SUN2: variants seen among roughly 807,000 people sequenced by gnomAD.
SUN2 encodes the protein SUN domain-containing protein 2.
A neutral mutation model predicts 100.0 loss-of-function variants in SUN2; 60 were observed. That is an observed-to-expected ratio of 0.60 (90% CI 0.49 to 0.74). The LOEUF is 0.74. SUN2 is among the 30% of genes least tolerant of loss of function. The pLI, the probability that SUN2 is intolerant of heterozygous loss-of-function variation, is 0.00. For missense variants in SUN2, 834 were observed against 954.6 expected (o/e 0.87, Z 1.66); for synonymous variants, 367 against 403.3 (o/e 0.91, Z 1.08).
chr22:38,748,500 G>A (rs536900789), intron 7 of SUN2, among the ~76,000 whole-genome samples: 2 of 152,276 alleles, frequency 1.3e-5, no homozygotes, highest in African/African-American at 2.4e-5. Context: ...CCAATGTTGC[G>A]GCACTAGGGT....
intron 8 of SUN2, among the ~76,000 whole-genome samples, chr22:38,745,296 G>C (rs1361550157): frequency 6.6e-6 from 1 of 152,034 alleles, no homozygotes. Flanking sequence ...AGGCAAGTAC[G>C]AGCCCAGCCA....
At chr22:38,741,348 G>C in intron 10 of SUN2, 146 bp downstream of exon 10, 1 of 838,558 alleles carries the variant, frequency 1.2e-6, no homozygotes, top group Admixed American at 2.2e-5. Flanking sequence ...AGGGGTCGGG[G>C]GTCAAACAGA....
At position 38,740,747 on chromosome 22, in the gene SUN2, A is replaced by C. The variant is rs1603218484; in HGVS notation, c.1190+260T>G. On this transcript the variant is annotated intron_variant, in intron 11 of 17. Coordinates refer to ENST00000689035, the MANE Select transcript of SUN2 (RefSeq NM_015374.3). This position sits in a 1 kb window ranked among gnomAD's most constrained non-coding sequence, Gnocchi z 4.8. ...AGGCAGTTATGTGAGGCTGTAAGAA[A>C]GGATGCTGTGTCTATAAATGAATCC... is the stretch of plus-strand genomic sequence containing the variant. 2 of 590,342 alleles carry C rather than the reference A, an allele frequency of 3.4e-6. No homozygotes were observed. The highest frequency in any genetic ancestry group is 6.0e-6 in the Non-Finnish European group (2 of 331,406). The allele number at this position is 590,342 out of a possible 1,614,324, so 36.6% of individuals were successfully genotyped here.
intron 4 of SUN2, 136 bp downstream of exon 4, chr22:38,750,762 C>T: frequency 7.1e-7 from 1 of 1,405,782 alleles, no homozygotes; most frequent in Non-Finnish European, 9.6e-7. Flanking sequence ...TGGGGCGCAC[C>T]CAGGGCCGGG....
At position 38,755,791 on chromosome 22, in the gene SUN2, C is replaced by A. The variant is rs1323707477; in HGVS notation, c.-66G>T. The stretch of plus-strand genomic sequence containing the variant: ...CTGCCGCGGCGGCTTCTAGCCCGGC[C>A]GGGGGCGTCCGAGGCCAGGCCGCCG... On this transcript the variant is annotated 5_prime_UTR_variant, in exon 1 of 18. Coordinates refer to ENST00000689035, the MANE Select transcript of SUN2 (RefSeq NM_015374.3). The surrounding 1 kb of genome is among the most constrained non-coding windows in gnomAD (Gnocchi z 5.7). 1 of 984,228 alleles carries A rather than the reference C, an allele frequency of 1.0e-6. No homozygotes were observed. The highest frequency in any genetic ancestry group is 1.1e-4 in the East Asian group (1 of 8,794). The allele number at this position is 984,228 out of a possible 1,614,324, so 61.0% of individuals were successfully genotyped here. A position where few individuals can be genotyped will look rare whatever the true frequency, so the allele number is the denominator to read the frequency against.
At chr22:38,748,576 C>A in intron 7 of SUN2, 137 bp downstream of exon 7, 1 of 966,302 alleles carries the variant, frequency 1.0e-6, no homozygotes, top group Non-Finnish European at 1.6e-6. Flanking sequence ...CAGAGATGAT[C>A]CAGGGTCCAG....
intron 1 of SUN2, chr22:38,754,572 T>G: frequency 9.1e-7 from 1 of 1,099,196 alleles, no homozygotes; most frequent in Non-Finnish European, 1.2e-6. Context: ...GCCTGGGTCC[T>G]TGTCTCTATT....
In SUN2 at chr22:38,740,917, T is replaced by C. The variant is rs993462349; in HGVS notation, c.1190+90A>G. 1 of 1,370,448 alleles carries C rather than the reference T, an allele frequency of 7.3e-7. No individual in the cohort carries two copies. Among genetic ancestry groups the C allele is most frequent in the South Asian group, 1.2e-5 (1 of 80,472 alleles). 84.9% of individuals were successfully genotyped at this position (1,370,448 alleles called of 1,614,324 possible). On this transcript the variant is annotated intron_variant, in intron 11 of 17. Transcript: ENST00000689035. This position sits in a 1 kb window ranked among gnomAD's most constrained non-coding sequence, Gnocchi z 4.8. ...CTGCTTGGCAAGATGATCAGAACTC[T>C]CTGCTCTGCGGCTCTGCTCCCCAGT...
Position 38,752,609 on chromosome 22 carries a change from C to A in SUN2, c.20G>T (p.Arg7Leu). The change falls in exon 2 of 18, where the codon CGC becomes CTC. Residue 7 changes from arginine (R) to leucine (L), a missense_variant. By Grantham distance (102) the Arg-to-Leu change is moderately radical. Coordinates refer to ENST00000689035, the MANE Select transcript of SUN2 (RefSeq NM_015374.3). ...GTCACCCTGGGAGTAGCGCGTGAGG[C>A]GCTGGCTTCTTCGGGACATGATGAG... MSRRSQRLTRYSQGDDD... is the reference protein window; with the variant it reads MSRRSQLLTRYSQGDDD... 6.2e-7 allele frequency: 1 copy of A among 1,613,914 alleles called. No individual in the cohort carries two copies.
chr22:38,738,566 C>T lies in SUN2; in HGVS notation c.1947+21G>A, dbSNP rs1222732031. 1.2e-6 allele frequency: 2 copies of T among 1,604,938 alleles called. No homozygotes were observed. The highest frequency in any genetic ancestry group is 2.2e-5 in the South Asian group (2 of 90,816). On this transcript the variant is annotated intron_variant, in intron 16 of 17. Transcript: ENST00000689035. This position sits in a 1 kb window ranked among gnomAD's most constrained non-coding sequence, Gnocchi z 6.6. ...GATCCCCCTGCAGCCCCTCTGGCCCCACCACAGGACAGATACTCACAAAGA... is the reference window on the plus strand; with the variant it reads ...GATCCCCCTGCAGCCCCTCTGGCCCTACCACAGGACAGATACTCACAAAGA...
chr22:38,741,555 A>G lies in SUN2; in HGVS notation c.1085T>C (p.Leu362Pro). 1 of 1,614,076 alleles carries G rather than the reference A, an allele frequency of 6.2e-7. No individual in the cohort carries two copies. The highest frequency in any genetic ancestry group is 8.5e-7 in the Non-Finnish European group (1 of 1,180,028). ...AARIQEELSA[L>P]RAEHQQDSED... is the part of the protein sequence containing the mutation. ...TGAGTCTTGCTGATGCTCTGCTCTC[A>G]GGGCAGACAGTTCTTCCTGTGAGAC... is the stretch of plus-strand genomic sequence containing the variant. Residue 362 changes from leucine to proline, a missense_variant, in exon 10 of 18, where the codon CTG becomes CCG. Transcript: ENST00000689035.
At chr22:38,745,042 T>C (rs2092891571) in intron 8 of SUN2, 1 of 471,156 alleles carries the variant, frequency 2.1e-6, no homozygotes, top group Non-Finnish European at 4.4e-6. Context: ...GATTTGGCTC[T>C]GAGATTTGCG....
Position 38,755,678 on chromosome 22 carries a change from G to C in SUN2, c.-38+85C>G, listed in dbSNP as rs1219565444. The stretch of plus-strand genomic sequence containing the variant: ...GAGGAGGAAGCAGGCCTGGCGGCGC[G>C]GCCCCGCCCGAGTGGCCCGACGGTG... On this transcript the variant is annotated intron_variant, in intron 1 of 17. Coordinates refer to ENST00000689035, the MANE Select transcript of SUN2 (RefSeq NM_015374.3). The surrounding 1 kb of genome is among the most constrained non-coding windows in gnomAD (Gnocchi z 5.7). 1.5e-5 allele frequency: 15 copies of C among 979,890 alleles called. No homozygotes were observed. The highest frequency in any genetic ancestry group is 1.7e-5 in the African/African-American group (1 of 57,228). The allele number at this position is 979,890 out of a possible 1,614,324, so 60.7% of individuals were successfully genotyped here. A position where few individuals can be genotyped will look rare whatever the true frequency, so the allele number is the denominator to read the frequency against.
chr22:38,748,777 G>A lies in SUN2; in HGVS notation c.621C>T (p.Phe207=), dbSNP rs2092922806. 6.2e-7 allele frequency: 1 copy of A among 1,614,104 alleles called. No homozygotes were observed. The highest frequency in any genetic ancestry group is 1.3e-5 in the African/African-American group (1 of 74,942). ...LLDVFVLTRR[F]SSLKTFLWFL... The stretch of plus-strand genomic sequence containing the variant: ...ACCAGAGGAACGTCTTCAGGGACGA[G>A]AAGCGCCTGGACCACGCGGGAGGGC... The change falls in exon 7 of 18, where the codon TTC becomes TTT. Residue 207 remains phenylalanine, a synonymous_variant. Coordinates refer to ENST00000689035, the MANE Select transcript of SUN2 (RefSeq NM_015374.3).
At chr22:38,754,554 G>A (rs942535663) in intron 1 of SUN2, 2 of 1,064,792 alleles carry the variant, frequency 1.9e-6, no homozygotes, top group Non-Finnish European at 2.5e-6. Context: ...AGGAAAAGCA[G>A]GAAGTTGGCC....
rs149995796 is a variant in SUN2, at chr22:38,752,603, G to A, written c.26C>T (p.Thr9Met). Reference sequence around the variant, plus strand: ...GTCATCGTCACCCTGGGAGTAGCGCGTGAGGCGCTGGCTTCTTCGGGACAT... The same window carrying A: ...GTCATCGTCACCCTGGGAGTAGCGCATGAGGCGCTGGCTTCTTCGGGACAT... MSRRSQRL[T>M]RYSQGDDDGS... Residue 9 changes from threonine (T) to methionine (M), a missense_variant, in exon 2 of 18, where the codon ACG (threonine) becomes ATG (methionine). Thr to Met is a moderately conservative substitution (Grantham distance 81). Around this residue, in one of 3 missense-constraint regions of SUN2, gnomAD observed 559 missense variants for 597.7 expected, o/e 0.94. Coordinates refer to ENST00000689035, the MANE Select transcript of SUN2 (RefSeq NM_015374.3). The A allele has an allele frequency of 6.1e-5, 99 of 1,613,962 alleles. 1 individual carries two copies. Among genetic ancestry groups the A allele is most frequent in the Admixed American group, 3.3e-4 (20 of 60,014 alleles).
At chr22:38,736,605 C>T (rs371147099) in intron 17 of SUN2, 5 of 386,674 alleles carry the variant, frequency 1.3e-5, no homozygotes, top group Admixed American at 8.6e-5. Flanking sequence ...CATCTGAAAC[C>T]GGAATGAATT....
In SUN2 at chr22:38,739,546, C is replaced by G. The variant is rs78853873; in HGVS notation, c.1579-120G>C. On this transcript the variant is annotated intron_variant, in intron 13 of 17. Coordinates refer to ENST00000689035, the MANE Select transcript of SUN2 (RefSeq NM_015374.3). This position sits in a 1 kb window ranked among gnomAD's most constrained non-coding sequence, Gnocchi z 6.7. Reference sequence around the variant, plus strand: ...CTTCTAGGCTTGCACTGTGCTGGTGCCCAGGCAGATGTGGGCACACTGCCA... The same window carrying G: ...CTTCTAGGCTTGCACTGTGCTGGTGGCCAGGCAGATGTGGGCACACTGCCA... 3.1e-3 allele frequency: 4,247 copies of G among 1,350,130 alleles called. 118 individuals carry two copies. In the African/African-American group the frequency reaches 0.056, roughly 18 times the overall value. 83.6% of individuals were successfully genotyped at this position (1,350,130 alleles called of 1,614,324 possible).
chr22:38,749,767 T>G lies in SUN2; in HGVS notation c.613A>C (p.Arg205=), dbSNP rs1249728930. ...ASLLDVFVLT[R]RFSSLKTFLW... is the part of the protein sequence containing the mutation. ...TGGCAAGGGTGGAGTCTCGCTCACCTGGTTAAAACGAAGACGTCAAGGAGG... is the reference window on the plus strand; with the variant it reads ...TGGCAAGGGTGGAGTCTCGCTCACCGGGTTAAAACGAAGACGTCAAGGAGG... Residue 205 remains arginine (R), a splice_region_variant and synonymous_variant, in exon 6 of 18, where the codon AGG becomes CGG. Transcript: ENST00000689035. The G allele has an allele frequency of 5.0e-6, 8 of 1,613,996 alleles. 1 individual carries two copies. The highest frequency in any genetic ancestry group is 1.6e-4 in the Middle Eastern group (1 of 6,062).
Sources: gnomAD v4.1 joint callset for allele counts (sites outside exome capture counted in the v4.1 genomes callset) on GRCh38, gnomAD v4.1.1 for gene constraint, gnomAD v4.1.1 regional missense constraint, Gnocchi (gnomAD v3.1) non-coding constraint, MANE v1.5 for transcripts, NCBI Gene and HGNC (gene_info 2026-07-23, HGNC 2026-07-21) for gene names.